DIAPH3: variants seen among roughly 807,000 people sequenced by gnomAD.
DIAPH3 encodes diaphanous related formin 3, also known as protein diaphanous homolog 3.
In DIAPH3, 117 loss-of-function variants were observed where a neutral mutation model predicts 144.3. The ratio of observed to expected loss-of-function variants is 0.81; its 90% confidence interval spans 0.70 to 0.95. DIAPH3 has a LOEUF of 0.95. Ranked by LOEUF, DIAPH3 falls within the 40% of genes least tolerant of loss-of-function variation. DIAPH3 has a pLI of 0.00. For synonymous variants in DIAPH3, 519 were observed against 488.9 expected (o/e 1.06, Z -0.81); for missense variants, 1,421 against 1,412.7 (o/e 1.01, Z -0.09).
chr13:60,053,413 T>C (rs1038265961), intron 4 of DIAPH3, among the ~76,000 whole-genome samples: 1 of 152,168 alleles, frequency 6.6e-6, no homozygotes, highest in Admixed American at 6.6e-5. Flanking sequence ...TTAAATCCTT[T>C]AGCAAATTTT....
At chr13:60,112,212 C>T (rs375030690) in intron 2 of DIAPH3, 26 bp from the exon 3 acceptor site, 36 of 1,612,522 alleles carry the variant, frequency 2.2e-5, no homozygotes, top group African/African-American at 2.7e-5. Context: ...GAATGACACA[C>T]GTGTAAGTAT....
chr13:60,129,789 G>A (rs1286832775), intron 2 of DIAPH3, among the ~76,000 whole-genome samples: 8 of 152,152 alleles, frequency 5.3e-5, no homozygotes, highest in African/African-American at 1.7e-4. Flanking sequence ...ATTGGCAAAT[G>A]CTGCCCTGAG....
At chr13:59,904,757 T>A (rs1419440592) in intron 20 of DIAPH3, among the ~76,000 whole-genome samples, 1 of 151,882 alleles carries the variant, frequency 6.6e-6, no homozygotes, top group Admixed American at 6.6e-5. Context: ...TAAATAAAAA[T>A]AAAAAGACAA....
intron 18 of DIAPH3, among the ~76,000 whole-genome samples, chr13:59,920,549 T>C (rs182258649): frequency 2.6e-5 from 4 of 151,646 alleles, no homozygotes; most frequent in Admixed American, 1.3e-4. Flanking sequence ...TATACATATA[T>C]ATGTATATAT....
rs1361118300 is a variant in DIAPH3 at position 60,163,782 on chromosome 13, C to G, written c.-16G>C. On this transcript the variant is annotated 5_prime_UTR_variant, in exon 1 of 28. Transcript: ENST00000400324. ...GCCGTTCCATCTTTCCCCGCAGCTCCGGGGACCGGAAAGAAGGTGGCCACT... is the reference window on the plus strand; with the variant it reads ...GCCGTTCCATCTTTCCCCGCAGCTCGGGGGACCGGAAAGAAGGTGGCCACT... The G allele has an allele frequency of 6.4e-7, 1 of 1,556,894 alleles. No individual in the cohort carries two copies. Among genetic ancestry groups the G allele is most frequent in the African/African-American group, 1.4e-5 (1 of 73,628 alleles).
At chr13:59,738,427 G>A (rs1469100963) in intron 27 of DIAPH3, among the ~76,000 whole-genome samples, 1 of 152,020 alleles carries the variant, frequency 6.6e-6, no homozygotes, top group Non-Finnish European at 1.5e-5. Flanking sequence ...GAGCTCTGTG[G>A]ACTGGCCAGA....
intron 27 of DIAPH3, among the ~76,000 whole-genome samples, chr13:59,740,161 G>A (rs1273692014): frequency 6.6e-6 from 1 of 152,088 alleles, no homozygotes; most frequent in African/African-American, 2.4e-5. Context: ...TCGAGGTTAT[G>A]GTACAGAATT....
chr13:59,896,244 TA>T (rs756526644), intron 20 of DIAPH3, among the ~76,000 whole-genome samples: 16 of 152,312 alleles, frequency 1.1e-4, no homozygotes, highest in South Asian at 8.3e-4. Flanking sequence ...TACATGTATA[TA>T]AACATACTTT....
intron 1 of DIAPH3, among the ~76,000 whole-genome samples, chr13:60,152,091 A>G (rs539747205): frequency 6.6e-6 from 1 of 152,278 alleles, no homozygotes; most frequent in Non-Finnish European, 1.5e-5. Flanking sequence ...CCAACCTCGG[A>G]AAAAAATGCA....
At chr13:59,814,052 G>T (rs942303979) in intron 24 of DIAPH3, among the ~76,000 whole-genome samples, 3 of 151,972 alleles carry the variant, frequency 2.0e-5, no homozygotes, top group Admixed American at 6.6e-5. Flanking sequence ...TCTATTTCTT[G>T]CTTGAGAGAA....
chr13:59,864,847 A>T (rs967376447), intron 21 of DIAPH3, among the ~76,000 whole-genome samples: 1 of 152,048 alleles, frequency 6.6e-6, no homozygotes, highest in Non-Finnish European at 1.5e-5. Context: ...TCTAGTATTA[A>T]AAAGTACACT....
At chr13:60,089,806 G>A (rs1295532593) in intron 4 of DIAPH3, among the ~76,000 whole-genome samples, 1 of 152,180 alleles carries the variant, frequency 6.6e-6, no homozygotes, top group Non-Finnish European at 1.5e-5. Flanking sequence ...CTATGAGTGA[G>A]CCCACACTAA....
intron 12 of DIAPH3, among the ~76,000 whole-genome samples, chr13:59,990,129 G>C (rs190219959): frequency 1.3e-5 from 2 of 151,380 alleles, no homozygotes; most frequent in Non-Finnish European, 3.0e-5. Context: ...TATCAGAAAG[G>C]AGCAAATTAA....
intron 17 of DIAPH3, among the ~76,000 whole-genome samples, chr13:59,950,528 C>T (rs2049042348): frequency 1.3e-5 from 2 of 152,082 alleles, no homozygotes; most frequent in Non-Finnish European, 2.9e-5. Context: ...AGTAGAATTA[C>T]AAACCAGAGC....
intron 21 of DIAPH3, among the ~76,000 whole-genome samples, chr13:59,866,045 T>C (rs2043899263): frequency 6.6e-6 from 1 of 151,962 alleles, no homozygotes; most frequent in South Asian, 2.1e-4. Flanking sequence ...TGGACATTAG[T>C]GAACACCAGA....
chr13:59,789,542 AG>A (rs1210099517), intron 25 of DIAPH3, among the ~76,000 whole-genome samples: 3 of 152,192 alleles, frequency 2.0e-5, no homozygotes, highest in Non-Finnish European at 4.4e-5. Context: ...TAAAAAAAGA[AG>A]GGGAAGGAGC....
chr13:59,826,719 G>A (rs755937388), intron 24 of DIAPH3, among the ~76,000 whole-genome samples: 5,020 of 151,554 alleles, frequency 0.033, 125 homozygotes, highest in Non-Finnish European at 0.051. Context: ...AGCCCGCATC[G>A]CCAAGTCAAT....
chr13:60,086,073 G>A lies in DIAPH3; in HGVS notation c.495+7555C>T, dbSNP rs576486888. Among the ~76,000 whole-genome samples the A allele has an allele frequency of 3.3e-5, 5 of 151,890 alleles. No homozygotes were observed. In the South Asian group the frequency reaches 8.3e-4, roughly 25 times the overall value. ...TCTGATGAAGCCTTTTTTAAAAAAC[G>A]CTATAATAAAAGAAAAGCTGTCTTA... is the stretch of plus-strand genomic sequence containing the variant. On this transcript the variant is annotated intron_variant, in intron 4 of 27. Coordinates refer to ENST00000400324, the MANE Select transcript of DIAPH3 (RefSeq NM_001042517.2).
chr13:59,811,929 G>A (rs1182778998), intron 24 of DIAPH3, among the ~76,000 whole-genome samples: 1 of 151,866 alleles, frequency 6.6e-6, no homozygotes, highest in African/African-American at 2.4e-5. Context: ...GGAATTAGCA[G>A]GTAAACATGG....
Sources: gnomAD v4.1 joint callset for allele counts (sites outside exome capture counted in the v4.1 genomes callset) on GRCh38, gnomAD v4.1.1 for gene constraint, MANE v1.5 for transcripts, NCBI Gene and HGNC (gene_info 2026-07-23, HGNC 2026-07-21) for gene names.